IL4: variants seen among roughly 807,000 people sequenced by gnomAD.
The protein encoded by IL4 is interleukin-4.
In IL4, 10 loss-of-function variants were observed where a neutral mutation model predicts 17.4. That is an observed-to-expected ratio of 0.57 (90% CI 0.35 to 0.97). The LOEUF is 0.97. Ranked by LOEUF, IL4 falls within the 50% of genes least tolerant of loss-of-function variation. IL4 has a pLI of 0.01. For synonymous variants in IL4, 87 were observed against 79.0 expected, an observed-to-expected ratio of 1.10 and a Z score of -0.54; for missense variants, 174 against 187.7, an observed-to-expected ratio of 0.93 and a Z score of 0.43.
chr5:132,676,354 G>A (rs1752383667), intron 2 of IL4, among the ~76,000 whole-genome samples: 2 of 152,192 alleles, frequency 1.3e-5, no homozygotes, highest in South Asian at 2.1e-4. Context: ...AAGAACAGGT[G>A]CAGAGAAGCG....
intron 3 of IL4, among the ~76,000 whole-genome samples, chr5:132,681,189 C>A (rs1752481057): frequency 6.7e-6 from 1 of 149,396 alleles, no homozygotes; most frequent in Non-Finnish European, 1.5e-5. Flanking sequence ...AAGGACTGAG[C>A]CTGAGATCAA....
chr5:132,675,108 C>A (rs1012583209), intron 2 of IL4, among the ~76,000 whole-genome samples: 3 of 152,190 alleles, frequency 2.0e-5, no homozygotes, highest in Non-Finnish European at 4.4e-5. Context: ...CCAGCACATC[C>A]CTGCTTCGGG....
intron 2 of IL4, among the ~76,000 whole-genome samples, chr5:132,678,605 G>A (rs1454559062): frequency 6.6e-6 from 1 of 152,184 alleles, no homozygotes; most frequent in Non-Finnish European, 1.5e-5. Context: ...GAGGGTCTGG[G>A]TGGGGCAGGG....
chr5:132,677,769 T>C (rs1045196370), intron 2 of IL4: 1 of 152,136 alleles, frequency 6.6e-6, no homozygotes, highest in East Asian at 1.9e-4. Flanking sequence ...AATCTCACTG[T>C]TCCCTCTGCA....
At chr5:132,674,711 A>AAAGC (rs1307702598) in intron 2 of IL4, among the ~76,000 whole-genome samples, 1 of 152,228 alleles carries the variant, frequency 6.6e-6, no homozygotes, top group African/African-American at 2.4e-5. Context: ...CATGTAATAG[A>AAAGC]AAGCTTACAT....
At chr5:132,674,565 G>C in intron 2 of IL4, 59 bp downstream of exon 2, 1 of 1,419,240 alleles carries the variant, frequency 7.0e-7, no homozygotes, top group South Asian at 1.2e-5. Context: ...CCAAATGTCT[G>C]AACAAGAAAC....
At chr5:132,674,326 C>A in intron 1 of IL4, 133 bp from the exon 2 acceptor site, 1 of 1,335,676 alleles carries the variant, frequency 7.5e-7, no homozygotes, top group Non-Finnish European at 1.1e-6. Context: ...GGCTTCTCCC[C>A]TGCCACTCTT....
Position 132,675,355 on chromosome 5 carries a change from C to T in IL4, c.183+849C>T, listed in dbSNP as rs373761930. Among the ~76,000 whole-genome samples, 418 of 152,264 alleles carry T rather than the reference C, an allele frequency of 2.7e-3. 4 individuals carry two copies. Among genetic ancestry groups the T allele is most frequent in the African/African-American group, 9.7e-3 (403 of 41,544 alleles). On this transcript the variant is annotated intron_variant, in intron 2 of 3. Coordinates refer to ENST00000231449, the MANE Select transcript of IL4 (RefSeq NM_000589.4). ...GTCTCCTAACTACCTGCTTTCCATGCAAACTAGGGAGATGATATGGCCAGG... is the reference window on the plus strand; with the variant it reads ...GTCTCCTAACTACCTGCTTTCCATGTAAACTAGGGAGATGATATGGCCAGG...
chr5:132,675,915 A>G (rs1294708128), intron 2 of IL4, among the ~76,000 whole-genome samples: 2 of 98,310 alleles, frequency 2.0e-5, no homozygotes, highest in Non-Finnish European at 3.7e-5. Flanking sequence ...GTGTATGTAT[A>G]TATGTGTATG....
rs199936687 is a variant in IL4, at chr5:132,679,833, G to A, written c.303G>A (p.Lys101=). ...CTGCACAGCAGTTCCACAGGCACAA[G>A]CAGCTGATCCGATTCCTGAAACGGC... ...GATAQQFHRH[K]QLIRFLKRLD... Residue 101 remains lysine (K), a synonymous_variant, in exon 3 of 4, where the codon AAG becomes AAA. Coordinates refer to ENST00000231449, the MANE Select transcript of IL4 (RefSeq NM_000589.4). 7 of 1,613,982 alleles carry A rather than the reference G, an allele frequency of 4.3e-6. No homozygotes were observed. Among genetic ancestry groups the A allele is most frequent in the Non-Finnish European group, 5.1e-6 (6 of 1,179,944 alleles).
chr5:132,674,292 G>A (rs892868486), intron 1 of IL4, 107 bp downstream of exon 1: 20 of 1,428,694 alleles, frequency 1.4e-5, no homozygotes, highest in Non-Finnish European at 1.9e-5. Context: ...CTGGTGGTTG[G>A]TGGCAGTCCA....
chr5:132,678,423 A>T (rs1422079655), intron 2 of IL4, among the ~76,000 whole-genome samples: 1 of 152,222 alleles, frequency 6.6e-6, no homozygotes, highest in Non-Finnish European at 1.5e-5. Flanking sequence ...AGCAATAGTT[A>T]CCTCTGGCTG....
intron 2 of IL4, chr5:132,677,933 C>A (rs1295351309): frequency 6.6e-6 from 1 of 152,180 alleles, no homozygotes; most frequent in Admixed American, 6.5e-5. Context: ...TCTTACATTT[C>A]CAACTAGAAT....
chr5:132,675,968 A>C (rs1752377112), intron 2 of IL4, among the ~76,000 whole-genome samples: 1 of 108,190 alleles, frequency 9.2e-6, no homozygotes, highest in Admixed American at 1.0e-4. Flanking sequence ...TAAAATCTCC[A>C]AGTCCATCCA....
chr5:132,676,997 G>T (rs986631724), intron 2 of IL4, among the ~76,000 whole-genome samples: 2 of 152,224 alleles, frequency 1.3e-5, no homozygotes, highest in African/African-American at 4.8e-5. Flanking sequence ...CTGGCTGGCT[G>T]ATGAAGGGTT....
At chr5:132,674,655 C>T (rs192082802) in intron 2 of IL4, 149 bp downstream of exon 2, 33 of 648,780 alleles carry the variant, frequency 5.1e-5, no homozygotes, top group African/African-American at 4.0e-4. Flanking sequence ...CTGATCTTTA[C>T]TCTTAAGCAT....
rs368538151 is a variant in IL4 at position 132,675,380 on chromosome 5, G to A, written c.183+874G>A. ...CAAACTAGGGAGATGATATGGCCAG[G>A]AGTGAAGCCCTGTGTGTTGGGCAGG... is the stretch of plus-strand genomic sequence containing the variant. On this transcript the variant is annotated intron_variant, in intron 2 of 3. Transcript: ENST00000231449. Among the ~76,000 whole-genome samples the A allele has an allele frequency of 5.3e-5, 8 of 152,114 alleles. No homozygotes were observed. The East Asian group carries it at 1.3e-3, about 26-fold the overall frequency.
Position 132,674,033 on chromosome 5 carries a change from G to A in IL4, c.-18G>A, listed in dbSNP as rs929969238. On this transcript the variant is annotated 5_prime_UTR_variant, in exon 1 of 4. Transcript: ENST00000231449. ...AAACTAATTGCCTCACATTGTCACT[G>A]CAAATCGACACCTATTAATGGGTCT... is the stretch of plus-strand genomic sequence containing the variant. The A allele has an allele frequency of 3.7e-6, 6 of 1,612,840 alleles. No homozygotes were observed. In the East Asian group the frequency reaches 6.7e-5, roughly 18 times the overall value.
At position 132,682,569 on chromosome 5, in the gene IL4, T is replaced by A; in HGVS notation, c.444T>A (p.Tyr148Ter). ...ERLKTIMREK[Y>*]SKCSS ...TAAAGACGATCATGAGAGAGAAATA[T>A]TCAAAGTGTTCGAGCTGAATATTTT... is the stretch of plus-strand genomic sequence containing the variant. The change falls in exon 4 of 4, where the codon TAT becomes TAA. Residue 148 changes from tyrosine to a stop codon, truncating the protein, a stop_gained. Transcript: ENST00000231449. LOFTEE classifies it high-confidence loss of function. 6.3e-7 allele frequency: 1 copy of A among 1,596,292 alleles called. No homozygotes were observed.
Sources: allele counts gnomAD v4.1 joint callset (sites outside exome capture counted in the v4.1 genomes callset), GRCh38; gene constraint gnomAD v4.1.1; transcripts MANE v1.5; gene names NCBI Gene and HGNC (gene_info 2026-07-23, HGNC 2026-07-21).